Variants in LYPLAL1 observed in about 807,000 individuals in gnomAD.
The protein encoded by LYPLAL1 is lysophospholipase-like protein 1.
Under a neutral mutation model 19.7 loss-of-function variants are expected in LYPLAL1, and 23 were observed. That is an observed-to-expected ratio of 1.17 (90% CI 0.84 to 1.65). LYPLAL1 has a LOEUF of 1.65. Among genes scored for constraint, LYPLAL1 ranks in the 40% most tolerant of loss-of-function variants. The pLI is 0.00. For synonymous variants in LYPLAL1, 119 were observed against 96.3 expected, an observed-to-expected ratio of 1.24 and a Z score of -1.38; for missense variants, 355 against 279.4, an observed-to-expected ratio of 1.27 and a Z score of -1.93.
At chr1:219,355,195 C>A in the LYPLAL1 span, among the ~76,000 whole-genome samples, 1 of 152,122 alleles carries the variant, frequency 6.6e-6, no homozygotes, top group African/African-American at 2.4e-5. Flanking sequence ...ATATGGCCTG[C>A]GTAACTAAGG....
At chr1:219,233,767 G>A in the LYPLAL1 span, among the ~76,000 whole-genome samples, 2 of 16,010 alleles carry the variant, frequency 1.2e-4, no homozygotes, top group Non-Finnish European at 2.2e-4. Context: ...GAGAGACCCT[G>A]TCTCAAAAAA....
At chr1:219,330,467 A>G in the LYPLAL1 span, among the ~76,000 whole-genome samples, 2 of 152,220 alleles carry the variant, frequency 1.3e-5, no homozygotes, top group African/African-American at 4.8e-5. Context: ...GCAAAAGTTT[A>G]AATCAAATTG....
the LYPLAL1 span, among the ~76,000 whole-genome samples, chr1:219,340,492 G>C: frequency 6.6e-6 from 1 of 152,016 alleles, no homozygotes; most frequent in Non-Finnish European, 1.5e-5. Flanking sequence ...TGGGTGAGGG[G>C]AGGGGAAGTT....
the LYPLAL1 span, among the ~76,000 whole-genome samples, chr1:219,352,428 G>A: frequency 6.6e-6 from 1 of 152,208 alleles, no homozygotes; most frequent in Non-Finnish European, 1.5e-5. Context: ...TGAGGCAGGA[G>A]AATGGCGTGA....
the LYPLAL1 span, among the ~76,000 whole-genome samples, chr1:219,303,976 C>G: frequency 1.3e-5 from 2 of 152,296 alleles, no homozygotes; most frequent in South Asian, 2.1e-4. Flanking sequence ...TATTCCCTAA[C>G]TAGTTCTAAA....
At position 219,211,892 on chromosome 1, in the gene LYPLAL1, A is replaced by C; in HGVS notation, c.*164A>C. The C allele has an allele frequency of 2.2e-6, 1 of 455,090 alleles. No homozygotes were observed. The highest frequency in any genetic ancestry group is 3.8e-6 in the Non-Finnish European group (1 of 260,154). The allele number at this position is 455,090 out of a possible 1,614,324, so 28.2% of individuals were successfully genotyped here. On this transcript the variant is annotated 3_prime_UTR_variant, in exon 5 of 5. Coordinates refer to ENST00000366928, the MANE Select transcript of LYPLAL1 (RefSeq NM_138794.5). ...AGACAGTAGCTAATCTTATTAATGA[A>C]AAACAATAGACAAACATCTGTGCAT...
At chr1:219,420,379 T>C in the LYPLAL1 span, among the ~76,000 whole-genome samples, 2 of 152,248 alleles carry the variant, frequency 1.3e-5, no homozygotes, top group African/African-American at 4.8e-5. Flanking sequence ...CTATTTTGAT[T>C]GCATCCTCTA....
chr1:219,316,087 A>T, the LYPLAL1 span, among the ~76,000 whole-genome samples: 1 of 152,196 alleles, frequency 6.6e-6, no homozygotes, highest in Admixed American at 6.5e-5. Flanking sequence ...ACAGGTTTTG[A>T]TCATGACTAT....
the LYPLAL1 span, among the ~76,000 whole-genome samples, chr1:219,244,143 GA>G: frequency 6.6e-6 from 1 of 152,066 alleles, no homozygotes; most frequent in South Asian, 2.1e-4. Context: ...AATGCAATTG[GA>G]AAACCAATGC....
the LYPLAL1 span, among the ~76,000 whole-genome samples, chr1:219,269,136 A>T: frequency 6.6e-6 from 1 of 152,316 alleles, no homozygotes; most frequent in East Asian, 1.9e-4. Flanking sequence ...ATATGAATGG[A>T]GAGACTGGAG....
chr1:219,218,504 C>T, the LYPLAL1 span, among the ~76,000 whole-genome samples: 2 of 147,058 alleles, frequency 1.4e-5, no homozygotes. Context: ...CTTTTTTTGC[C>T]TTTTTTTTTT....
At chr1:219,420,556 A>C in the LYPLAL1 span, among the ~76,000 whole-genome samples, 1 of 152,148 alleles carries the variant, frequency 6.6e-6, no homozygotes, top group Non-Finnish European at 1.5e-5. Flanking sequence ...AGCAGCTCAT[A>C]CACTGATGGT....
the LYPLAL1 span, among the ~76,000 whole-genome samples, chr1:219,292,051 G>A: frequency 1.4e-4 from 22 of 152,118 alleles, no homozygotes; most frequent in Non-Finnish European, 2.9e-4. Flanking sequence ...GTGTGCAGTG[G>A]GGGCCCACAC....
the LYPLAL1 span, among the ~76,000 whole-genome samples, chr1:219,239,386 A>G: frequency 6.6e-6 from 1 of 152,226 alleles, no homozygotes. Flanking sequence ...TGCTGAATTA[A>G]TAAGTTAGTA....
At chr1:219,414,832 G>A in the LYPLAL1 span, among the ~76,000 whole-genome samples, 3,095 of 152,118 alleles carry the variant, frequency 0.02, 92 homozygotes, top group African/African-American at 0.069. Context: ...GTATTCTGAG[G>A]GTTCTGTGCT....
chr1:219,255,998 A>G, the LYPLAL1 span, among the ~76,000 whole-genome samples: 4 of 151,468 alleles, frequency 2.6e-5, no homozygotes, highest in Admixed American at 6.6e-5. Flanking sequence ...GAATTTTTTC[A>G]TCTATTTTAT....
the LYPLAL1 span, among the ~76,000 whole-genome samples, chr1:219,288,474 G>A: frequency 6.6e-6 from 1 of 152,110 alleles, no homozygotes; most frequent in Admixed American, 6.6e-5. Context: ...TGAGGCGTGG[G>A]ATAATTTATC....
chr1:219,174,334 A>G (rs1655629621), intron 1 of LYPLAL1: 3 of 1,102,438 alleles, frequency 2.7e-6, no homozygotes, highest in South Asian at 5.4e-5. Flanking sequence ...GAAATTATTT[A>G]GTGTTTTTCA....
the LYPLAL1 span, among the ~76,000 whole-genome samples, chr1:219,223,716 G>A: frequency 1.3e-5 from 2 of 152,118 alleles, no homozygotes; most frequent in African/African-American, 2.4e-5. Context: ...CAATAGTTTG[G>A]TTCAGAGCTT....
Sources: gnomAD v4.1 joint callset for allele counts (sites outside exome capture counted in the v4.1 genomes callset) on GRCh38, gnomAD v4.1.1 for gene constraint, MANE v1.5 for transcripts, NCBI Gene and HGNC (gene_info 2026-07-23, HGNC 2026-07-21) for gene names.